Variants in ARL15 observed in about 807,000 individuals in gnomAD.
ARL15 encodes the protein ADP-ribosylation factor-like protein 15.
A neutral mutation model predicts 25.2 loss-of-function variants in ARL15; 19 were observed. The ratio of observed to expected loss-of-function variants is 0.75; its 90% CI spans 0.53 to 1.10. The LOEUF (loss-of-function observed/expected upper bound fraction) is 1.10, where lower values mean the gene tolerates loss of function less well. Ranked by LOEUF, ARL15 falls within the 50% of genes least tolerant of loss-of-function variation. The probability of loss-of-function intolerance (pLI) is 0.00; values close to 1 mark genes in which losing one functional copy is unlikely to be tolerated. For synonymous variants in ARL15, 94 were observed against 86.8 expected, an observed-to-expected ratio of 1.08 and a Z score of -0.46; for missense variants, 220 against 246.0, an observed-to-expected ratio of 0.89 and a Z score of 0.71.
Position 54,123,432 on chromosome 5 carries a change from T to C in ARL15, c.254-10022A>G, listed in dbSNP as rs1001069934. Among the ~76,000 whole-genome samples the C allele has an allele frequency of 8.5e-5, 13 of 152,214 alleles. No individual in the cohort carries two copies. The South Asian group carries it at 2.3e-3, about 27-fold the overall frequency. On this transcript the variant is annotated intron_variant, in intron 3 of 4. Transcript: ENST00000504924. ...CTCCTTTTATATTTCTTATCTGAAATACTGTTTCTTCTCTCTGAGCTTCTT... is the reference window on the plus strand; with the variant it reads ...CTCCTTTTATATTTCTTATCTGAAACACTGTTTCTTCTCTCTGAGCTTCTT...
At chr5:53,984,646 T>G (rs922381620) in intron 4 of ARL15, among the ~76,000 whole-genome samples, 2 of 152,218 alleles carry the variant, frequency 1.3e-5, no homozygotes, top group African/African-American at 4.8e-5. Context: ...TGGTAATAAC[T>G]ATTATTTACC....
intron 1 of ARL15, among the ~76,000 whole-genome samples, chr5:54,286,982 A>T (rs1415956326): frequency 6.6e-6 from 1 of 151,580 alleles, no homozygotes; most frequent in Non-Finnish European, 1.5e-5. Flanking sequence ...GCCTCAAGCA[A>T]TCCTCCCACC....
chr5:54,003,226 C>T (rs975711624), intron 4 of ARL15, among the ~76,000 whole-genome samples: 3 of 152,186 alleles, frequency 2.0e-5, no homozygotes, highest in African/African-American at 7.2e-5. Flanking sequence ...GTGGTATTCA[C>T]AGCTGAAGAC....
At chr5:54,040,043 A>G (rs1304803926) in intron 4 of ARL15, among the ~76,000 whole-genome samples, 1 of 152,212 alleles carries the variant, frequency 6.6e-6, no homozygotes, top group Non-Finnish European at 1.5e-5. Flanking sequence ...GACTCATTTG[A>G]CAAGCATCAG....
chr5:53,958,259 T>C (rs1747236321), intron 4 of ARL15, among the ~76,000 whole-genome samples: 1 of 150,760 alleles, frequency 6.6e-6, no homozygotes, highest in African/African-American at 2.4e-5. Context: ...GGGCACAAAA[T>C]ATATAAATGT....
intron 2 of ARL15, among the ~76,000 whole-genome samples, chr5:54,170,517 G>A (rs761106396): frequency 1.3e-5 from 2 of 152,078 alleles, no homozygotes; most frequent in Non-Finnish European, 2.9e-5. Context: ...TTGTCTCCTG[G>A]CACTCTATTA....
At chr5:54,224,447 GA>G (rs1756464628) in intron 1 of ARL15, among the ~76,000 whole-genome samples, 1 of 152,208 alleles carries the variant, frequency 6.6e-6, no homozygotes, top group Non-Finnish European at 1.5e-5. Context: ...GGCGGAATTA[GA>G]GATTAATCAG....
At chr5:54,125,370 T>C (rs558797565) in intron 3 of ARL15, among the ~76,000 whole-genome samples, 53 of 152,244 alleles carry the variant, frequency 3.5e-4, no homozygotes, top group African/African-American at 1.3e-3. Flanking sequence ...ACTGCCACAC[T>C]AGAGAGTCAC....
intron 1 of ARL15, among the ~76,000 whole-genome samples, chr5:54,233,195 C>T (rs1264694980): frequency 6.6e-6 from 1 of 152,168 alleles, no homozygotes; most frequent in African/African-American, 2.4e-5. Context: ...ACATACAAAA[C>T]ATTTCTGCTC....
intron 4 of ARL15, among the ~76,000 whole-genome samples, chr5:53,928,606 T>A (rs1746104461): frequency 6.6e-6 from 1 of 152,224 alleles, no homozygotes; most frequent in Non-Finnish European, 1.5e-5. Flanking sequence ...TATCCATTCA[T>A]AATCATTCCC....
chr5:53,888,376 G>A (rs1031789175), intron 4 of ARL15, among the ~76,000 whole-genome samples: 1 of 151,990 alleles, frequency 6.6e-6, no homozygotes, highest in African/African-American at 2.4e-5. Flanking sequence ...GACGTCCCAG[G>A]CTTGGGCGAT....
At chr5:54,087,586 A>G (rs760916168) in intron 4 of ARL15, among the ~76,000 whole-genome samples, 6 of 152,186 alleles carry the variant, frequency 3.9e-5, no homozygotes, top group Non-Finnish European at 7.4e-5. Context: ...TGCACTTACC[A>G]CAAATATTCC....
chr5:54,190,433 G>A (rs1207032881), intron 1 of ARL15, among the ~76,000 whole-genome samples: 1 of 151,994 alleles, frequency 6.6e-6, no homozygotes, highest in Non-Finnish European at 1.5e-5. Flanking sequence ...CATTAGGATG[G>A]CCACTGTCTT....
At chr5:54,031,996 T>C (rs1257367461) in intron 4 of ARL15, among the ~76,000 whole-genome samples, 6 of 152,192 alleles carry the variant, frequency 3.9e-5, no homozygotes, top group African/African-American at 1.4e-4. Context: ...TAATATATAA[T>C]TGGCATGATT....
chr5:54,079,787 T>C (rs1302405958), intron 4 of ARL15, among the ~76,000 whole-genome samples: 1 of 152,004 alleles, frequency 6.6e-6, no homozygotes, highest in Non-Finnish European at 1.5e-5. Context: ...CTGGCCAACA[T>C]GGTGAAACCC....
At chr5:53,996,735 T>A (rs1748687872) in intron 4 of ARL15, among the ~76,000 whole-genome samples, 1 of 151,952 alleles carries the variant, frequency 6.6e-6, no homozygotes, top group African/African-American at 2.4e-5. Context: ...TTTCTGAGGC[T>A]GGTTAGGTGA....
At chr5:54,085,819 T>G (rs1751947476) in intron 4 of ARL15, among the ~76,000 whole-genome samples, 1 of 151,974 alleles carries the variant, frequency 6.6e-6, no homozygotes, top group African/African-American at 2.4e-5. Context: ...AACCACGGCT[T>G]AGAAGAAAAG....
intron 1 of ARL15, among the ~76,000 whole-genome samples, chr5:54,288,472 C>CA (rs1288964713): frequency 6.6e-6 from 1 of 152,172 alleles, no homozygotes; most frequent in East Asian, 1.9e-4. Flanking sequence ...CTTGCCTGAG[C>CA]AAAAAATGAA....
chr5:54,143,603 T>C (rs1340310595), intron 3 of ARL15, among the ~76,000 whole-genome samples: 1 of 152,078 alleles, frequency 6.6e-6, no homozygotes, highest in African/African-American at 2.4e-5. Flanking sequence ...GTTTTCTATT[T>C]ATCACAACTT....
Sources: allele counts gnomAD v4.1 joint callset (sites outside exome capture counted in the v4.1 genomes callset), GRCh38; gene constraint gnomAD v4.1.1; transcripts MANE v1.5; gene names NCBI Gene and HGNC (gene_info 2026-07-23, HGNC 2026-07-21).